The following NPAS3 variants were observed in gnomAD, a reference collection of about 807,000 sequenced individuals.
The protein encoded by NPAS3 is neuronal PAS domain-containing protein 3.
Under a neutral mutation model 73.1 loss-of-function variants are expected in NPAS3, and 14 were observed. The observed-to-expected ratio is 0.19, with a 90% CI of 0.13 to 0.30. The LOEUF (loss-of-function observed/expected upper bound fraction) is 0.30. Ranked by LOEUF, NPAS3 falls within the 10% of genes least tolerant of loss-of-function variation. NPAS3 has a pLI of 1.00. For synonymous variants in NPAS3, 620 were observed against 541.5 expected (o/e 1.14, Z -2.01); for missense variants, 1,096 against 1,250.0 (o/e 0.88, Z 1.86).
At chr14:33,163,182 C>T (rs199877120) in intron 2 of NPAS3, among the ~76,000 whole-genome samples, 1 of 152,184 alleles carries the variant, frequency 6.6e-6, no homozygotes, top group East Asian at 1.9e-4. Context: ...TTCACACAGC[C>T]AATTACCTCA....
chr14:33,795,747 T>G (rs2063494170), intron 10 of NPAS3, among the ~76,000 whole-genome samples: 1 of 151,968 alleles, frequency 6.6e-6, no homozygotes, highest in African/African-American at 2.4e-5. Context: ...ATGCAAGGAG[T>G]AAGAAGAGCT....
At chr14:33,228,513 A>C (rs904838902) in intron 3 of NPAS3, among the ~76,000 whole-genome samples, 5 of 152,198 alleles carry the variant, frequency 3.3e-5, no homozygotes, top group African/African-American at 1.2e-4. Flanking sequence ...GGCTTAATAG[A>C]TATAATCTTA....
chr14:33,539,173 A>G (rs1346787259), intron 4 of NPAS3, among the ~76,000 whole-genome samples: 2 of 152,054 alleles, frequency 1.3e-5, no homozygotes, highest in Admixed American at 6.5e-5. Context: ...GCATGGGCTG[A>G]GCCAGATGGA....
chr14:33,311,251 A>G (rs2042990733), intron 3 of NPAS3, among the ~76,000 whole-genome samples: 1 of 152,052 alleles, frequency 6.6e-6, no homozygotes, highest in Non-Finnish European at 1.5e-5. Context: ...AAAAATCAGA[A>G]ATTTTTCTGA....
chr14:32,997,057 C>A (rs1279076567), intron 1 of NPAS3, among the ~76,000 whole-genome samples: 1 of 152,198 alleles, frequency 6.6e-6, no homozygotes, highest in Non-Finnish European at 1.5e-5. Context: ...CCACCTCATG[C>A]ATTAGCATGA....
intron 2 of NPAS3, among the ~76,000 whole-genome samples, chr14:33,163,127 C>T (rs1049279853): frequency 1.8e-4 from 27 of 152,218 alleles, no homozygotes; most frequent in African/African-American, 6.3e-4. Context: ...ATTATTTAAT[C>T]TTATTTTGCT....
chr14:33,742,740 T>C (rs2061687082), intron 7 of NPAS3, among the ~76,000 whole-genome samples: 2 of 152,354 alleles, frequency 1.3e-5, no homozygotes, highest in South Asian at 4.1e-4. Flanking sequence ...TTTGATAATA[T>C]TTTTCCTACA....
chr14:33,666,546 G>T (rs2059455349), intron 5 of NPAS3, among the ~76,000 whole-genome samples: 1 of 152,182 alleles, frequency 6.6e-6, no homozygotes, highest in Admixed American at 6.5e-5. Flanking sequence ...AGCCCATGCT[G>T]CATTTTAAGG....
chr14:32,998,026 G>T (rs2038654447), intron 1 of NPAS3, among the ~76,000 whole-genome samples: 1 of 152,088 alleles, frequency 6.6e-6, no homozygotes, highest in Admixed American at 6.5e-5. Context: ...CCACTTCTTG[G>T]TATATACCCG....
intron 2 of NPAS3, among the ~76,000 whole-genome samples, chr14:33,115,149 G>T (rs542135082): frequency 1.3e-5 from 2 of 152,264 alleles, no homozygotes; most frequent in African/African-American, 2.4e-5. Flanking sequence ...GTAAGGAAAA[G>T]GTTAATATCG....
chr14:33,361,213 A>T (rs1168414130), intron 3 of NPAS3, among the ~76,000 whole-genome samples: 1 of 152,246 alleles, frequency 6.6e-6, no homozygotes, highest in East Asian at 1.9e-4. Flanking sequence ...GAAACTTCGT[A>T]CTAAGAGGTC....
At chr14:33,648,823 C>A (rs777636250) in intron 5 of NPAS3, among the ~76,000 whole-genome samples, 1 of 152,314 alleles carries the variant, frequency 6.6e-6, no homozygotes, top group South Asian at 2.1e-4. Flanking sequence ...CCTCCAGAAT[C>A]TCACTTGCCA....
chr14:33,621,823 G>A (rs2058083663), intron 5 of NPAS3, among the ~76,000 whole-genome samples: 1 of 152,124 alleles, frequency 6.6e-6, no homozygotes, highest in Non-Finnish European at 1.5e-5. Context: ...TCTCTTTGAA[G>A]CAGTCAAGTT....
At chr14:33,597,173 A>G (rs758246029) in intron 5 of NPAS3, among the ~76,000 whole-genome samples, 27 of 152,068 alleles carry the variant, frequency 1.8e-4, no homozygotes, top group Non-Finnish European at 3.7e-4. Flanking sequence ...CTTCCCCTTC[A>G]CTAGTTCCTA....
intron 1 of NPAS3, among the ~76,000 whole-genome samples, chr14:32,979,208 T>C (rs899420795): frequency 2.6e-5 from 4 of 152,226 alleles, no homozygotes; most frequent in Non-Finnish European, 5.9e-5. Flanking sequence ...TATTGTGTTT[T>C]ATCTTTAAAA....
intron 5 of NPAS3, among the ~76,000 whole-genome samples, chr14:33,668,767 T>G (rs2059528926): frequency 1.3e-5 from 2 of 152,128 alleles, no homozygotes; most frequent in Non-Finnish European, 2.9e-5. Flanking sequence ...TGCAGAGAGC[T>G]GAGATCATGC....
chr14:33,378,993 G>T (rs930654521), intron 4 of NPAS3, among the ~76,000 whole-genome samples: 3 of 152,066 alleles, frequency 2.0e-5, no homozygotes, highest in African/African-American at 7.2e-5. Flanking sequence ...ACATGACCGC[G>T]AGTGGAAAAT....
At chr14:33,331,397 A>G (rs2043978254) in intron 3 of NPAS3, among the ~76,000 whole-genome samples, 2 of 152,326 alleles carry the variant, frequency 1.3e-5, no homozygotes, top group South Asian at 4.1e-4. Context: ...TAGCAGCATC[A>G]TTATGTATGC....
intron 1 of NPAS3, among the ~76,000 whole-genome samples, chr14:33,011,562 T>C (rs561962381): frequency 6.6e-6 from 1 of 151,824 alleles, no homozygotes; most frequent in East Asian, 1.9e-4. Flanking sequence ...TTTTTTTTTT[T>C]CCTCATCAAT....
Sources: gnomAD v4.1 joint callset for allele counts (sites outside exome capture counted in the v4.1 genomes callset) on GRCh38, gnomAD v4.1.1 for gene constraint, MANE v1.5 for transcripts, NCBI Gene and HGNC (gene_info 2026-07-23, HGNC 2026-07-21) for gene names.